The following COMMD1 variants were observed in gnomAD, a reference collection of about 807,000 sequenced individuals.
COMMD1 encodes the protein copper metabolism domain containing 1, also known as COMM domain-containing protein 1.
In COMMD1, 10 loss-of-function variants were observed where a neutral mutation model predicts 17.2. The ratio of observed to expected loss-of-function variants is 0.58; its 90% CI spans 0.36 to 0.99. The LOEUF is 0.99. Among genes scored for constraint, COMMD1 ranks in the 50% least tolerant of loss-of-function variants. The probability of loss-of-function intolerance (pLI) is 0.01; values close to 1 mark genes in which losing one functional copy is unlikely to be tolerated. For missense variants in COMMD1, 270 were observed against 231.8 expected (o/e 1.17, Z -1.07); for synonymous variants, 97 against 91.6 (o/e 1.06, Z -0.34).
At chr2:62,104,904 T>A (rs1350084371) in intron 2 of COMMD1, among the ~76,000 whole-genome samples, 1 of 151,938 alleles carries the variant, frequency 6.6e-6, no homozygotes, top group Non-Finnish European at 1.5e-5. Context: ...GGTGGGTGGA[T>A]CACCCGAGGT....
intron 1 of COMMD1, among the ~76,000 whole-genome samples, chr2:61,998,251 T>C (rs1469778395): frequency 6.7e-6 from 1 of 150,180 alleles, no homozygotes; most frequent in African/African-American, 2.4e-5. Context: ...GCTTTCTTTT[T>C]TTTTTTTTTT....
At chr2:62,134,952 T>A (rs1673149711) in intron 2 of COMMD1, among the ~76,000 whole-genome samples, 1 of 152,222 alleles carries the variant, frequency 6.6e-6, no homozygotes, top group Admixed American at 6.5e-5. Context: ...ATCTGGCTCA[T>A]GTTTCCCAAG....
intron 2 of COMMD1, among the ~76,000 whole-genome samples, chr2:62,084,434 A>G (rs1030037706): frequency 6.6e-6 from 1 of 152,194 alleles, no homozygotes; most frequent in Non-Finnish European, 1.5e-5. Context: ...TTTACTATTC[A>G]TTAACTAGAA....
intron 2 of COMMD1, among the ~76,000 whole-genome samples, chr2:62,076,654 T>C (rs1219469989): frequency 1.3e-5 from 2 of 151,862 alleles, no homozygotes; most frequent in Non-Finnish European, 2.9e-5. Flanking sequence ...GGCTGAGGCA[T>C]GAGAATCATT....
chr2:62,041,148 A>T (rs1216222079), intron 2 of COMMD1, among the ~76,000 whole-genome samples: 1 of 152,220 alleles, frequency 6.6e-6, no homozygotes, highest in East Asian at 1.9e-4. Context: ...CAGGAATGCA[A>T]TATTACATTT....
intron 1 of COMMD1, among the ~76,000 whole-genome samples, chr2:61,971,150 G>A (rs551855048): frequency 7.2e-5 from 11 of 152,326 alleles, no homozygotes; most frequent in Admixed American, 7.2e-4. Context: ...TAAGGAAATT[G>A]AACACTCGAA....
chr2:61,910,976 G>C (rs951931029), intron 1 of COMMD1, among the ~76,000 whole-genome samples: 4 of 151,652 alleles, frequency 2.6e-5, no homozygotes, highest in East Asian at 1.9e-4. Context: ...CCAGCTACTC[G>C]AGAGGCTGGG....
At chr2:62,038,741 G>T (rs1670107182) in intron 2 of COMMD1, among the ~76,000 whole-genome samples, 1 of 151,996 alleles carries the variant, frequency 6.6e-6, no homozygotes, top group South Asian at 2.1e-4. Context: ...TAGAGCCGGG[G>T]TTTCACCATG....
At chr2:62,084,154 A>G (rs993619469) in intron 2 of COMMD1, among the ~76,000 whole-genome samples, 2 of 152,162 alleles carry the variant, frequency 1.3e-5, no homozygotes, top group African/African-American at 4.8e-5. Flanking sequence ...TGACTTCTCA[A>G]TTCATTATTA....
At chr2:62,034,108 AAAAG>A (rs1558570766) in intron 2 of COMMD1, among the ~76,000 whole-genome samples, 3 of 151,802 alleles carry the variant, frequency 2.0e-5, no homozygotes, top group Non-Finnish European at 4.4e-5. Context: ...AAAAAAAAAA[AAAAG>A]AAATGTATTA....
intron 2 of COMMD1, among the ~76,000 whole-genome samples, chr2:62,031,083 A>G (rs2103875276): frequency 6.6e-6 from 1 of 152,290 alleles, no homozygotes; most frequent in South Asian, 2.1e-4. Context: ...AGATTTTGTG[A>G]AACATCCTCT....
intron 1 of COMMD1, among the ~76,000 whole-genome samples, chr2:61,971,147 A>G (rs1671640306): frequency 6.6e-6 from 1 of 152,242 alleles, no homozygotes; most frequent in Non-Finnish European, 1.5e-5. Flanking sequence ...TCCTAAGGAA[A>G]TTGAACACTC....
chr2:62,043,726 A>C (rs1438413741), intron 2 of COMMD1, among the ~76,000 whole-genome samples: 1 of 152,184 alleles, frequency 6.6e-6, no homozygotes. Flanking sequence ...AATATGAAGA[A>C]AGTTAGCTGT....
chr2:61,895,020 A>T (rs1669524560), intron 1 of COMMD1, among the ~76,000 whole-genome samples: 1 of 152,220 alleles, frequency 6.6e-6, no homozygotes, highest in Non-Finnish European at 1.5e-5. Context: ...AAATAGTACC[A>T]TGAGGATGCA....
chr2:62,019,527 A>C (rs1007093277), intron 2 of COMMD1, among the ~76,000 whole-genome samples: 16 of 152,182 alleles, frequency 1.1e-4, no homozygotes, highest in African/African-American at 3.9e-4. Context: ...TGGAGCCCTC[A>C]TGATATAAAC....
chr2:62,048,182 C>CTT (rs67195629), intron 2 of COMMD1, among the ~76,000 whole-genome samples: 1,756 of 127,190 alleles, frequency 0.014, 69 homozygotes, highest in African/African-American at 0.038. Flanking sequence ...AACTAAATTT[C>CTT]TTTTTTTTTT....
intron 2 of COMMD1, among the ~76,000 whole-genome samples, chr2:62,094,352 A>G (rs1270686057): frequency 6.6e-6 from 1 of 152,166 alleles, no homozygotes; most frequent in Admixed American, 6.5e-5. Flanking sequence ...CCTAGGACAA[A>G]TTCTTTGATG....
chr2:61,954,044 C>T (rs1226953801), intron 1 of COMMD1, among the ~76,000 whole-genome samples: 1 of 151,910 alleles, frequency 6.6e-6, no homozygotes, highest in South Asian at 2.1e-4. Context: ...ATCGTGAAAC[C>T]CCATCTCTAC....
At chr2:62,125,805 A>G (rs1216949944) in intron 2 of COMMD1, among the ~76,000 whole-genome samples, 1 of 152,116 alleles carries the variant, frequency 6.6e-6, no homozygotes, top group African/African-American at 2.4e-5. Flanking sequence ...CATGTGCAGT[A>G]TGTGCAGGTT....
Sources: gnomAD v4.1 joint callset for allele counts (sites outside exome capture counted in the v4.1 genomes callset) on GRCh38, gnomAD v4.1.1 for gene constraint, MANE v1.5 for transcripts, NCBI Gene and HGNC (gene_info 2026-07-23, HGNC 2026-07-21) for gene names.